The following AKAP7 variants were observed in gnomAD, a reference collection of about 807,000 sequenced individuals.
AKAP7 encodes A-kinase anchoring protein 7, also known as A kinase (PRKA) anchor protein 7.
Under a neutral mutation model 39.5 loss-of-function variants are expected in AKAP7, and 39 were observed. That is an observed-to-expected ratio of 0.99 (90% CI 0.76 to 1.29). The LOEUF (loss-of-function observed/expected upper bound fraction) is 1.29. AKAP7 is among the 50% of genes most tolerant of loss of function. AKAP7 has a pLI of 0.00. For missense variants in AKAP7, 414 were observed against 407.7 expected, an observed-to-expected ratio of 1.02 and a Z score of -0.13; for synonymous variants, 140 against 139.1, an observed-to-expected ratio of 1.01 and a Z score of -0.05.
At chr6:131,191,616 A>G (rs1433048657) in intron 5 of AKAP7, among the ~76,000 whole-genome samples, 1 of 152,156 alleles carries the variant, frequency 6.6e-6, no homozygotes, top group Non-Finnish European at 1.5e-5. Context: ...TTGAAGAAGA[A>G]AAGGACCATG....
chr6:131,142,459 T>TG (rs1440131359), intron 1 of AKAP7, among the ~76,000 whole-genome samples: 1 of 152,182 alleles, frequency 6.6e-6, no homozygotes, highest in Non-Finnish European at 1.5e-5. Flanking sequence ...CTGTAAGCCT[T>TG]GGGGGCTTCC....
Position 131,207,491 on chromosome 6 carries a change from A to ATTTTTTTTTTTTTT in AKAP7, c.702+7931_702+7944dup, listed in dbSNP as rs531582478. ...TGCACACCATGCCTGGCTAATTAAA[A>ATTTTTTTTTTTTTT]TTTTTTTTTTTTTTTTTTTTTTTTT... On this transcript the variant is annotated intron_variant, in intron 6 of 7. Transcript: ENST00000431975. 3.5e-3 allele frequency among the ~76,000 whole-genome samples: 275 copies of ATTTTTTTTTTTTTT among 78,780 alleles called. 34 individuals carry two copies. Among genetic ancestry groups the ATTTTTTTTTTTTTT allele is most frequent in the Non-Finnish European group, 5.7e-3 (222 of 39,018 alleles). The allele number at this position is 78,780 out of a possible 152,430, so 51.7% of individuals were successfully genotyped here.
rs1373723117 is a variant in AKAP7 at position 131,237,565 on chromosome 6, T to C, written c.850+17757T>C. ...CTTTTTTTGGTTGGTAAGCTATTAA[T>C]TATTGCCTCAATTTCAGAGCCTGTT... On this transcript the variant is annotated intron_variant, in intron 7 of 7. Transcript: ENST00000431975. Among the ~76,000 whole-genome samples the C allele has an allele frequency of 5.3e-5, 8 of 152,332 alleles. No homozygotes were observed. In the East Asian group the frequency reaches 1.3e-3, roughly 26 times the overall value.
At chr6:131,251,519 G>C (rs1475581215) in intron 7 of AKAP7, among the ~76,000 whole-genome samples, 2 of 151,988 alleles carry the variant, frequency 1.3e-5, no homozygotes, top group African/African-American at 2.4e-5. Flanking sequence ...ATATACGTCT[G>C]GTTTATATTT....
chr6:131,200,261 C>T (rs1220975145), intron 6 of AKAP7, among the ~76,000 whole-genome samples: 2 of 152,160 alleles, frequency 1.3e-5, no homozygotes, highest in Admixed American at 6.6e-5. Flanking sequence ...TTTTGACTTC[C>T]GTCTAGGTTC....
At chr6:131,237,623 G>GT (rs994611722) in intron 7 of AKAP7, among the ~76,000 whole-genome samples, 12 of 151,976 alleles carry the variant, frequency 7.9e-5, no homozygotes, top group African/African-American at 2.9e-4. Flanking sequence ...CTTCTTCCTG[G>GT]TTTAGTCTTG....
chr6:131,280,638 T>C (rs933429249), intron 7 of AKAP7, among the ~76,000 whole-genome samples: 39 of 152,324 alleles, frequency 2.6e-4, no homozygotes, highest in African/African-American at 9.4e-4. Context: ...AACCTTGTTC[T>C]TTCCTGGGTC....
At chr6:131,253,095 T>A in intron 7 of AKAP7, 1 of 1,613,086 alleles carries the variant, frequency 6.2e-7, no homozygotes, top group Non-Finnish European at 8.5e-7. Flanking sequence ...ATATACCCAG[T>A]TGGTCAAGTG....
intron 7 of AKAP7, among the ~76,000 whole-genome samples, chr6:131,267,535 G>T (rs925367990): frequency 6.6e-6 from 1 of 152,162 alleles, no homozygotes; most frequent in Non-Finnish European, 1.5e-5. Context: ...ACTCTTCAGT[G>T]TGTCCCCCTG....
At chr6:131,164,099 G>A (rs1188459389) in intron 3 of AKAP7, among the ~76,000 whole-genome samples, 3 of 152,096 alleles carry the variant, frequency 2.0e-5, no homozygotes, top group Non-Finnish European at 4.4e-5. Context: ...AGCTACTTTG[G>A]TATCAGAACA....
chr6:131,176,248 T>A (rs1226172778), intron 5 of AKAP7, among the ~76,000 whole-genome samples: 2 of 151,694 alleles, frequency 1.3e-5, no homozygotes, highest in Non-Finnish European at 2.9e-5. Flanking sequence ...AGAGGCTGTG[T>A]CTCAGCTTCC....
chr6:131,155,019 AT>A (rs61452028), intron 2 of AKAP7, among the ~76,000 whole-genome samples: 143,967 of 149,368 alleles, frequency 0.96, 69,394 homozygotes, highest in East Asian at 1. Context: ...CAAAGATAGT[AT>A]TTTTTTTTTT....
At chr6:131,197,694 T>G (rs1807073079) in intron 5 of AKAP7, among the ~76,000 whole-genome samples, 3 of 152,230 alleles carry the variant, frequency 2.0e-5, no homozygotes. Context: ...ACATTGCAGT[T>G]TCCATCTGTA....
At chr6:131,264,703 G>T (rs767372664) in intron 7 of AKAP7, among the ~76,000 whole-genome samples, 8 of 152,126 alleles carry the variant, frequency 5.3e-5, no homozygotes, top group Non-Finnish European at 1.0e-4. Flanking sequence ...CTGAGACTGG[G>T]TAATTTATAA....
intron 7 of AKAP7, among the ~76,000 whole-genome samples, chr6:131,229,001 T>C (rs1156380894): frequency 6.6e-6 from 1 of 152,232 alleles, no homozygotes; most frequent in Non-Finnish European, 1.5e-5. Flanking sequence ...ATGGGAGGTA[T>C]GCTTGAGGCA....
chr6:131,265,897 CG>C (rs1813758861), intron 7 of AKAP7, among the ~76,000 whole-genome samples: 1 of 152,122 alleles, frequency 6.6e-6, no homozygotes, highest in African/African-American at 2.4e-5. Flanking sequence ...CGTACTATGA[CG>C]TCTGTTTGTT....
Position 131,282,395 on chromosome 6 carries a change from T to C in AKAP7, c.*669T>C. ...AATGTTATTATATAATTTTTTTTTC[T>C]TAGGCAAGAAACCTATTGGAATTCG... is the stretch of plus-strand genomic sequence containing the variant. On this transcript the variant is annotated 3_prime_UTR_variant, in exon 8 of 8. Coordinates refer to ENST00000431975, the MANE Select transcript of AKAP7 (RefSeq NM_016377.4). 1.4e-6 allele frequency: 2 copies of C among 1,452,092 alleles called. No homozygotes were observed. Among genetic ancestry groups the C allele is most frequent in the Non-Finnish European group, 1.8e-6 (2 of 1,105,492 alleles). 90.0% of individuals were successfully genotyped at this position (1,452,092 alleles called of 1,614,324 possible).
At chr6:131,230,587 A>G (rs1810547443) in intron 7 of AKAP7, among the ~76,000 whole-genome samples, 1 of 152,108 alleles carries the variant, frequency 6.6e-6, no homozygotes, top group South Asian at 2.1e-4. Flanking sequence ...AAGTCCTTTA[A>G]TTAGGTCCCA....
chr6:131,125,993 T>A, the AKAP7 span, among the ~76,000 whole-genome samples: 1 of 152,228 alleles, frequency 6.6e-6, no homozygotes, highest in African/African-American at 2.4e-5. Context: ...GGAGGCTATG[T>A]GGCATTAGGA....
Sources: gnomAD v4.1 joint callset for allele counts (sites outside exome capture counted in the v4.1 genomes callset) on GRCh38, gnomAD v4.1.1 for gene constraint, MANE v1.5 for transcripts, NCBI Gene and HGNC (gene_info 2026-07-23, HGNC 2026-07-21) for gene names.